The following LOXL1 variants were observed in gnomAD, a reference collection of about 807,000 sequenced individuals.
The protein encoded by LOXL1 is lysyl oxidase like 1, also known as lysyl oxidase homolog 1.
Under a neutral mutation model 62.2 loss-of-function variants are expected in LOXL1, and 31 were observed. The ratio of observed to expected loss-of-function variants is 0.50; its 90% confidence interval spans 0.37 to 0.67. LOXL1 has a LOEUF of 0.67. Ranked by LOEUF, LOXL1 falls within the 30% of genes least tolerant of loss-of-function variation. The probability of loss-of-function intolerance (pLI) is 0.00; values close to 1 mark genes in which losing one functional copy is unlikely to be tolerated. For missense variants in LOXL1, 775 were observed against 843.4 expected, an observed-to-expected ratio of 0.92 and a Z score of 1.00; for synonymous variants, 403 against 384.4, an observed-to-expected ratio of 1.05 and a Z score of -0.56.
chr15:73,931,383 A>T (rs1021566686), intron 1 of LOXL1, among the ~76,000 whole-genome samples: 10 of 151,824 alleles, frequency 6.6e-5, no homozygotes, highest in African/African-American at 2.2e-4. Flanking sequence ...GGGCAGATAA[A>T]CCCCTGCAGT....
chr15:73,942,580 C>G (rs527851908), intron 1 of LOXL1, among the ~76,000 whole-genome samples: 55 of 152,276 alleles, frequency 3.6e-4, no homozygotes, highest in Middle Eastern at 3.4e-3. Context: ...AAATCCTGCC[C>G]CATCTCCCAG....
rs537650652 is a variant in LOXL1, at chr15:73,950,591, A to G, written c.1718+1017A>G. Among the ~76,000 whole-genome samples the G allele has an allele frequency of 2.8e-4, 42 of 152,304 alleles. 2 individuals carry two copies. In the South Asian group the frequency reaches 8.1e-3, roughly 29 times the overall value. ...CAGGATCAGGGTTCAGTGTATACCTAGGGTCAGGGCCCAGTGTGTGACCAG... is the reference window on the plus strand; with the variant it reads ...CAGGATCAGGGTTCAGTGTATACCTGGGGTCAGGGCCCAGTGTGTGACCAG... On this transcript the variant is annotated intron_variant, in intron 6 of 6. Coordinates refer to ENST00000261921, the MANE Select transcript of LOXL1 (RefSeq NM_005576.4).
In LOXL1 at chr15:73,945,100, A is replaced by G. The variant is rs1269698210; in HGVS notation, c.1212-1317A>G. Among the ~76,000 whole-genome samples the G allele has an allele frequency of 6.6e-6, 1 of 152,060 alleles. No individual in the cohort carries two copies. Among genetic ancestry groups the G allele is most frequent in the Non-Finnish European group, 1.5e-5 (1 of 68,000 alleles). The stretch of plus-strand genomic sequence containing the variant: ...TGTGTGCATGTGTGTGTATGTGTGC[A>G]TGTGTGTGTGTCTCCCCTCACTGCA... On this transcript the variant is annotated intron_variant, in intron 2 of 6. Coordinates refer to ENST00000261921, the MANE Select transcript of LOXL1 (RefSeq NM_005576.4). This position sits in a 1 kb window ranked among gnomAD's most constrained non-coding sequence, Gnocchi z 4.3.
At chr15:73,943,500 C>T (rs1022561236) in intron 2 of LOXL1, among the ~76,000 whole-genome samples, 4 of 152,136 alleles carry the variant, frequency 2.6e-5, no homozygotes, top group Admixed American at 6.5e-5. Context: ...GGCAGTGAGC[C>T]CGGGGGACAA....
At position 73,927,464 on chromosome 15, in the gene LOXL1, C is replaced by G. The variant is rs1199769837; in HGVS notation, c.681C>G (p.Pro227=). The G allele has an allele frequency of 6.9e-7, 1 of 1,450,440 alleles. No homozygotes were observed. Among genetic ancestry groups the G allele is most frequent in the Non-Finnish European group, 9.0e-7 (1 of 1,105,154 alleles). The allele number at this position is 1,450,440 out of a possible 1,614,324, so 89.8% of individuals were successfully genotyped here. The change falls in exon 1 of 7, where the codon CCC becomes CCG. Residue 227 remains proline, a synonymous_variant. Transcript: ENST00000261921. ...TGGCCTCGGCGGGGGTCATCTACCC[C>G]TACCAGCCCCGGGCGCGCTACGAGG... ...AAVASAGVIY[P]YQPRARYEEY...
Position 73,926,725 on chromosome 15 carries a change from G to A in LOXL1, c.-59G>A. The A allele has an allele frequency of 7.4e-7, 1 of 1,350,444 alleles. No individual in the cohort carries two copies. The highest frequency in any genetic ancestry group is 9.6e-7 in the Non-Finnish European group (1 of 1,046,042). The allele number at this position is 1,350,444 out of a possible 1,614,324, so 83.7% of individuals were successfully genotyped here. Reference sequence around the variant, plus strand: ...CTCGAGGCCGTGGGAAGAGAAGCACGCCCAGGGGGCCACTCCTGAGAGCCT... The same window carrying A: ...CTCGAGGCCGTGGGAAGAGAAGCACACCCAGGGGGCCACTCCTGAGAGCCT... On this transcript the variant is annotated 5_prime_UTR_variant, in exon 1 of 7. Coordinates refer to ENST00000261921, the MANE Select transcript of LOXL1 (RefSeq NM_005576.4).
At chr15:73,949,595 CTTCCTGGCTCCGTCCCT>C in intron 6 of LOXL1, 21 bp downstream of exon 6, 1 of 1,535,936 alleles carries the variant, frequency 6.5e-7, no homozygotes, top group South Asian at 1.1e-5. Context: ...GCCCACCACC[CTTCCTGGCTCCGTCCCT>C]TTCCTGCCTG....
intron 6 of LOXL1, 65 bp from the exon 7 acceptor site, chr15:73,951,766 G>A: frequency 6.9e-7 from 1 of 1,440,750 alleles, no homozygotes; most frequent in East Asian, 2.6e-5. Context: ...GGGACGCCCT[G>A]GCTGAGGAGG....
chr15:73,931,505 CCTTT>C (rs949488756), intron 1 of LOXL1, among the ~76,000 whole-genome samples: 1 of 152,114 alleles, frequency 6.6e-6, no homozygotes, highest in Non-Finnish European at 1.5e-5. Context: ...TCCTTCCTGT[CCTTT>C]CTTCCTCCTT....
Position 73,952,046 on chromosome 15 carries a change from TTTG to T in LOXL1, c.*219_*221del, listed in dbSNP as rs1294285073. The T allele has an allele frequency of 2.0e-5, 8 of 406,624 alleles. No individual in the cohort carries two copies. Among genetic ancestry groups the T allele is most frequent in the Middle Eastern group, 6.2e-4 (1 of 1,604 alleles). 25.2% of individuals were successfully genotyped at this position (406,624 alleles called of 1,614,324 possible). ...ACTTCACTTTTCTCTACAGTGTTGT[TTTG>T]TTGTTGTTGGTTTTTATTTTTTATA... On this transcript the variant is annotated 3_prime_UTR_variant, in exon 7 of 7. Coordinates refer to ENST00000261921, the MANE Select transcript of LOXL1 (RefSeq NM_005576.4).
chr15:73,942,888 G>C lies in LOXL1; in HGVS notation c.1137G>C (p.Val379=). 1 of 1,614,048 alleles carries C rather than the reference G, an allele frequency of 6.2e-7. No individual in the cohort carries two copies. The highest frequency in any genetic ancestry group is 1.6e-4 in the Middle Eastern group (1 of 6,062). The change falls in exon 2 of 7, where the codon GTG becomes GTC. Residue 379 remains valine (V), a synonymous_variant. Transcript: ENST00000261921. ...LPDLVPDPNY[V]QASTYVQRAH... is the part of the protein sequence containing the mutation. The stretch of plus-strand genomic sequence containing the variant: ...ACTTGGTCCCAGACCCCAACTATGT[G>C]CAAGCATCCACTTATGTGCAGAGAG...
chr15:73,934,580 G>A (rs762591572), intron 1 of LOXL1, among the ~76,000 whole-genome samples: 6 of 152,104 alleles, frequency 3.9e-5, no homozygotes, highest in Non-Finnish European at 5.9e-5. Flanking sequence ...ATATCATCTC[G>A]TGAGGAAATA....
intron 3 of LOXL1, 100 bp from the exon 4 acceptor site, chr15:73,946,967 C>T (rs142841160): frequency 0.019 from 24,572 of 1,299,092 alleles, 283 homozygotes; most frequent in Non-Finnish European, 0.022. Context: ...GGAGGCTGTG[C>T]CACAGCAGGG....
intron 1 of LOXL1, among the ~76,000 whole-genome samples, chr15:73,940,201 A>G (rs1222734114): frequency 6.6e-6 from 1 of 152,142 alleles, no homozygotes; most frequent in African/African-American, 2.4e-5. Context: ...CATTGCAATC[A>G]GGGGAGACTT....
chr15:73,927,582 C>T lies in LOXL1; in HGVS notation c.799C>T (p.Pro267Ser). ...CTACGTGCCGCCGCCGCCGCCGCCC[C>T]CCGACGGCCTGGACCGCCGCTACTC... ...RPYVPPPPPP[P>S]DGLDRRYSHS... The change falls in exon 1 of 7, where the codon CCC becomes TCC. Residue 267 changes from proline to serine, a missense_variant. By Grantham distance (74) the Pro-to-Ser change is moderately conservative. Transcript: ENST00000261921. The T allele has an allele frequency of 6.7e-7, 1 of 1,503,566 alleles. No individual in the cohort carries two copies. The highest frequency in any genetic ancestry group is 8.8e-7 in the Non-Finnish European group (1 of 1,132,938). The allele number at this position is 1,503,566 out of a possible 1,614,324, so 93.1% of individuals were successfully genotyped here.
chr15:73,938,652 A>G (rs1045627188), intron 1 of LOXL1, among the ~76,000 whole-genome samples: 1 of 152,216 alleles, frequency 6.6e-6, no homozygotes, highest in Non-Finnish European at 1.5e-5. Context: ...CGGATGTTGC[A>G]GTGAGCCAAG....
At chr15:73,937,346 C>G (rs2141627762) in intron 1 of LOXL1, among the ~76,000 whole-genome samples, 1 of 152,350 alleles carries the variant, frequency 6.6e-6, no homozygotes, top group Admixed American at 6.5e-5. Context: ...CGTGTCTTCA[C>G]TGTCCTGGAG....
At chr15:73,951,415 A>G (rs1044295599) in intron 6 of LOXL1, among the ~76,000 whole-genome samples, 2 of 152,152 alleles carry the variant, frequency 1.3e-5, no homozygotes, top group African/African-American at 4.8e-5. Context: ...CAGCTGGGCC[A>G]GCGTGCACAG....
At position 73,927,477 on chromosome 15, in the gene LOXL1, G is replaced by A. The variant is rs1476914461; in HGVS notation, c.694G>A (p.Ala232Thr). ...GGTCATCTACCCCTACCAGCCCCGG[G>A]CGCGCTACGAGGAGTACGGCGGCGG... ...AGVIYPYQPR[A>T]RYEEYGGGEE... Residue 232 changes from alanine to threonine, a missense_variant, in exon 1 of 7, where the codon GCG becomes ACG. By Grantham distance (58) the Ala-to-Thr change is moderately conservative. Transcript: ENST00000261921. 2.1e-6 allele frequency: 3 copies of A among 1,454,188 alleles called. No homozygotes were observed. The highest frequency in any genetic ancestry group is 2.7e-6 in the Non-Finnish European group (3 of 1,107,772). The allele number at this position is 1,454,188 out of a possible 1,614,324, so 90.1% of individuals were successfully genotyped here. A position where few individuals can be genotyped will look rare whatever the true frequency, so the allele number is the denominator to read the frequency against.
Sources: gnomAD v4.1 joint callset for allele counts (sites outside exome capture counted in the v4.1 genomes callset) on GRCh38, gnomAD v4.1.1 for gene constraint, Gnocchi (gnomAD v3.1) non-coding constraint, MANE v1.5 for transcripts, NCBI Gene and HGNC (gene_info 2026-07-23, HGNC 2026-07-21) for gene names.